Variants in NR6A1 observed in about 807,000 individuals in gnomAD.
NR6A1 encodes nuclear receptor subfamily 6 group A member 1.
Under a neutral mutation model 59.1 loss-of-function variants are expected in NR6A1, and 7 were observed. That is an observed-to-expected ratio of 0.12 (90% CI 0.07 to 0.22). The LOEUF (loss-of-function observed/expected upper bound fraction) is 0.22, where lower values mean the gene tolerates loss of function less well. Among genes scored for constraint, NR6A1 ranks in the 10% least tolerant of loss-of-function variants. The pLI is 1.00. For missense variants in NR6A1, 468 were observed against 611.6 expected (o/e 0.77, Z 2.48); for synonymous variants, 243 against 236.1 (o/e 1.03, Z -0.27).
At chr9:124,638,201 A>G (rs2130895306) in intron 2 of NR6A1, among the ~76,000 whole-genome samples, 1 of 151,914 alleles carries the variant, frequency 6.6e-6, no homozygotes, top group Non-Finnish European at 1.5e-5. Context: ...TGTTACAGTG[A>G]GCTATGATCA....
chr9:124,725,967 C>A (rs946930119), intron 2 of NR6A1, among the ~76,000 whole-genome samples: 1 of 151,956 alleles, frequency 6.6e-6, no homozygotes, highest in African/African-American at 2.4e-5. Flanking sequence ...GAGAATCTTG[C>A]CAGATGTAGC....
chr9:124,724,816 T>C (rs1446060946), intron 2 of NR6A1, among the ~76,000 whole-genome samples: 1 of 152,196 alleles, frequency 6.6e-6, no homozygotes, highest in Non-Finnish European at 1.5e-5. Flanking sequence ...CTGTTTCCCT[T>C]TATTATGTGC....
At chr9:124,522,858 C>T in intron 9 of NR6A1, 65 bp from the exon 10 acceptor site, 1 of 1,334,416 alleles carries the variant, frequency 7.5e-7, no homozygotes, top group South Asian at 1.3e-5. Flanking sequence ...AAGTCAGCCT[C>T]CTTGGGCTGG....
chr9:124,615,168 A>T (rs1046509985), intron 2 of NR6A1, among the ~76,000 whole-genome samples: 1 of 152,254 alleles, frequency 6.6e-6, no homozygotes, highest in Non-Finnish European at 1.5e-5. Context: ...CTTCCAGGCT[A>T]ATGCATTAAA....
intron 1 of NR6A1, among the ~76,000 whole-genome samples, chr9:124,769,596 A>G (rs937017337): frequency 6.6e-5 from 10 of 152,232 alleles, no homozygotes; most frequent in African/African-American, 2.2e-4. Flanking sequence ...GGGTGTTTGC[A>G]TTCAATTTGA....
intron 9 of NR6A1, 26 bp downstream of exon 9, chr9:124,524,695 T>G (rs1832882776): frequency 6.2e-7 from 1 of 1,609,632 alleles, no homozygotes; most frequent in Non-Finnish European, 8.5e-7. Context: ...AAGGAAGGGT[T>G]GGGAGCCCAA....
intron 2 of NR6A1, among the ~76,000 whole-genome samples, chr9:124,651,776 A>G (rs1837111709): frequency 6.6e-6 from 1 of 152,208 alleles, no homozygotes; most frequent in South Asian, 2.1e-4. Context: ...ACACCGGACT[A>G]GTCTCTTTTG....
chr9:124,581,628 G>C (rs1255455125), intron 2 of NR6A1, among the ~76,000 whole-genome samples: 2 of 152,030 alleles, frequency 1.3e-5, no homozygotes, highest in Non-Finnish European at 2.9e-5. Context: ...ACTATCATCA[G>C]AGTAAACAGA....
intron 2 of NR6A1, chr9:124,698,514 G>A (rs1838836861): frequency 6.6e-6 from 1 of 152,164 alleles, no homozygotes. Flanking sequence ...GGAAATTCCA[G>A]CCTATTCATG....
chr9:124,619,146 T>G (rs1835986673), intron 2 of NR6A1, among the ~76,000 whole-genome samples: 1 of 152,202 alleles, frequency 6.6e-6, no homozygotes, highest in African/African-American at 2.4e-5. Context: ...GGCATATCTA[T>G]TAACGCAACC....
chr9:124,693,704 A>C (rs1838645046), intron 2 of NR6A1: 1 of 534,444 alleles, frequency 1.9e-6, no homozygotes, highest in Non-Finnish European at 3.8e-6. Flanking sequence ...CCACCAACTG[A>C]AAACACTGAT....
At chr9:124,742,985 T>G (rs1350251488) in intron 1 of NR6A1, among the ~76,000 whole-genome samples, 1 of 152,114 alleles carries the variant, frequency 6.6e-6, no homozygotes, top group Non-Finnish European at 1.5e-5. Flanking sequence ...AACTTCCCTT[T>G]GGGGGGGCCC....
intron 2 of NR6A1, among the ~76,000 whole-genome samples, chr9:124,624,594 T>C (rs1433834290): frequency 6.6e-6 from 1 of 152,210 alleles, no homozygotes. Context: ...CACTGACTAC[T>C]TTCATAGGAC....
chr9:124,581,223 C>G (rs2131459232), intron 2 of NR6A1, among the ~76,000 whole-genome samples: 1 of 152,212 alleles, frequency 6.6e-6, no homozygotes, highest in East Asian at 1.9e-4. Context: ...GATGAAGATG[C>G]CAAAAACAAT....
intron 2 of NR6A1, among the ~76,000 whole-genome samples, chr9:124,599,932 C>T (rs1173641070): frequency 6.6e-6 from 1 of 152,164 alleles, no homozygotes; most frequent in Non-Finnish European, 1.5e-5. Context: ...TTCAAATAGA[C>T]GCTCTCAAAG....
intron 2 of NR6A1, among the ~76,000 whole-genome samples, chr9:124,691,637 G>T (rs1361238815): frequency 6.6e-6 from 1 of 152,136 alleles, no homozygotes; most frequent in Non-Finnish European, 1.5e-5. Flanking sequence ...TGACATTTTA[G>T]TTACACTCTG....
intron 2 of NR6A1, among the ~76,000 whole-genome samples, chr9:124,572,499 T>G (rs757079862): frequency 6.6e-6 from 1 of 152,204 alleles, no homozygotes; most frequent in East Asian, 1.9e-4. Flanking sequence ...GTGAGGAAAC[T>G]GAATCACAGG....
At chr9:124,543,343 A>C (rs1167388923) in intron 4 of NR6A1, among the ~76,000 whole-genome samples, 1 of 152,208 alleles carries the variant, frequency 6.6e-6, no homozygotes, top group Non-Finnish European at 1.5e-5. Flanking sequence ...TTCACAGTAT[A>C]GGGCCTGGAA....
intron 6 of NR6A1, among the ~76,000 whole-genome samples, chr9:124,536,499 A>C (rs990696662): frequency 2.0e-5 from 3 of 152,066 alleles, no homozygotes; most frequent in Non-Finnish European, 4.4e-5. Context: ...TCTCTACTAA[A>C]AATACAAAAA....
Sources: gnomAD v4.1 joint callset for allele counts (sites outside exome capture counted in the v4.1 genomes callset) on GRCh38, gnomAD v4.1.1 for gene constraint, MANE v1.5 for transcripts, NCBI Gene and HGNC (gene_info 2026-07-23, HGNC 2026-07-21) for gene names.